Variants in WWTR1 observed in about 807,000 individuals in gnomAD.
WWTR1 encodes WW domain containing transcription regulator 1.
Under a neutral mutation model 40.1 loss-of-function variants are expected in WWTR1, and 13 were observed. The observed-to-expected ratio is 0.32, with a 90% CI of 0.21 to 0.52. The LOEUF (loss-of-function observed/expected upper bound fraction) is 0.52, where lower values mean the gene tolerates loss of function less well. WWTR1 is among the 20% of genes least tolerant of loss of function. WWTR1 has a pLI of 0.97. For missense variants in WWTR1, 436 were observed against 523.1 expected, an observed-to-expected ratio of 0.83 and a Z score of 1.63; for synonymous variants, 230 against 210.1, an observed-to-expected ratio of 1.09 and a Z score of -0.82.
intron 2 of WWTR1, among the ~76,000 whole-genome samples, chr3:149,603,756 G>A (rs977110886): frequency 4.0e-5 from 6 of 148,628 alleles, no homozygotes; most frequent in African/African-American, 1.2e-4. Flanking sequence ...CCTTAGTAAC[G>A]CAGAAAATCA....
At chr3:149,593,644 C>T (rs1207890997) in intron 2 of WWTR1, among the ~76,000 whole-genome samples, 3 of 152,156 alleles carry the variant, frequency 2.0e-5, no homozygotes, top group Admixed American at 1.3e-4. Flanking sequence ...AAACATTAAA[C>T]GACTTATACA....
At chr3:149,618,406 G>A (rs1358522768) in intron 2 of WWTR1, among the ~76,000 whole-genome samples, 19 of 152,152 alleles carry the variant, frequency 1.2e-4, no homozygotes, top group Admixed American at 1.2e-3. Flanking sequence ...GCTGGTCTTG[G>A]TGCCAGCGAT....
intron 2 of WWTR1, among the ~76,000 whole-genome samples, chr3:149,639,444 G>A (rs1712024915): frequency 1.3e-5 from 2 of 152,018 alleles, no homozygotes; most frequent in South Asian, 4.2e-4. Flanking sequence ...CTGGCCTCAA[G>A]CCATTCTCCT....
At chr3:149,561,235 T>G (rs1438856017) in intron 3 of WWTR1, among the ~76,000 whole-genome samples, 1 of 152,162 alleles carries the variant, frequency 6.6e-6, no homozygotes, top group Admixed American at 6.5e-5. Context: ...CATTATTGGT[T>G]AAATAAATTC....
At chr3:149,715,896 G>T (rs1417819057) in intron 5 of WWTR1, among the ~76,000 whole-genome samples, 2 of 152,118 alleles carry the variant, frequency 1.3e-5, no homozygotes, top group Non-Finnish European at 2.9e-5. Context: ...TATTTAACTG[G>T]ATAAAAAGTC....
intron 2 of WWTR1, among the ~76,000 whole-genome samples, chr3:149,603,186 C>T (rs1739325939): frequency 1.3e-5 from 2 of 152,024 alleles, no homozygotes; most frequent in African/African-American, 4.8e-5. Flanking sequence ...AAACTGCCCC[C>T]CTCACTACCA....
intron 4 of WWTR1, among the ~76,000 whole-genome samples, chr3:149,719,595 T>C (rs1296788522): frequency 6.6e-6 from 1 of 152,258 alleles, no homozygotes; most frequent in Non-Finnish European, 1.5e-5. Context: ...AACACGAGCA[T>C]ACAAATATCT....
At chr3:149,604,736 A>T (rs1739407475) in intron 2 of WWTR1, among the ~76,000 whole-genome samples, 1 of 152,322 alleles carries the variant, frequency 6.6e-6, no homozygotes. Flanking sequence ...CTTCCTGCTG[A>T]AGCGGTACTG....
chr3:149,655,374 G>A (rs9851857), intron 2 of WWTR1, among the ~76,000 whole-genome samples: 24,103 of 151,956 alleles, frequency 0.16, 2,036 homozygotes, highest in East Asian at 0.29. Context: ...GAACCCAGGG[G>A]GCGGAGGTTG....
intron 2 of WWTR1, among the ~76,000 whole-genome samples, chr3:149,636,889 A>C (rs1448911730): frequency 1.5e-5 from 2 of 135,316 alleles, no homozygotes; most frequent in African/African-American, 5.4e-5. Flanking sequence ...ACTTGAACCC[A>C]GGGGGCAGAG....
In WWTR1 at chr3:149,636,894, G is replaced by A. The variant is rs1206884410; in HGVS notation, c.431+19982C>T. ...AGGCAGAATCACTTGAACCCAGGGG[G>A]CAGAGGTTGCAGTGAGCTGGGATCA... is the stretch of plus-strand genomic sequence containing the variant. On this transcript the variant is annotated intron_variant, in intron 2 of 6. Coordinates refer to ENST00000360632, the MANE Select transcript of WWTR1 (RefSeq NM_015472.6). Among the ~76,000 whole-genome samples the A allele has an allele frequency of 2.1e-5, 3 of 145,154 alleles. No individual in the cohort carries two copies. In the Admixed American group the frequency reaches 2.1e-4, roughly 10 times the overall value.
upstream of WWTR1, among the ~76,000 whole-genome samples, chr3:149,661,579 G>A (rs1004748510): frequency 4.0e-5 from 6 of 151,114 alleles, no homozygotes; most frequent in African/African-American, 4.9e-5. Flanking sequence ...GCACCACCAC[G>A]CCTGGCTAAT....
rs1576539861 is a variant in WWTR1, at chr3:149,530,805, TA to T, written c.772-2837del. On this transcript the variant is annotated intron_variant, in intron 4 of 6. Coordinates refer to ENST00000360632, the MANE Select transcript of WWTR1 (RefSeq NM_015472.6). ...TGTTTCCCTAACTACCCTGAAGACT[TA>T]ATCACCAAGTCATCCTAAGGGCAAA... is the stretch of plus-strand genomic sequence containing the variant. Among the ~76,000 whole-genome samples, 6 of 152,314 alleles carry T rather than the reference TA, an allele frequency of 3.9e-5. No homozygotes were observed. In the East Asian group the frequency reaches 1.2e-3, roughly 29 times the overall value.
chr3:149,558,334 T>A (rs1736935191), intron 3 of WWTR1, among the ~76,000 whole-genome samples: 1 of 152,192 alleles, frequency 6.6e-6, no homozygotes, highest in Non-Finnish European at 1.5e-5. Context: ...ATATATTATG[T>A]GTCAAATAAA....
intron 2 of WWTR1, among the ~76,000 whole-genome samples, chr3:149,578,303 A>G (rs1471450191): frequency 6.6e-6 from 1 of 152,134 alleles, no homozygotes; most frequent in Non-Finnish European, 1.5e-5. Context: ...AGACAGGGGT[A>G]AAAAAGCTAA....
At chr3:149,585,121 C>CGCGTGTGTGT (rs1553795600) in intron 2 of WWTR1, among the ~76,000 whole-genome samples, 2 of 144,414 alleles carry the variant, frequency 1.4e-5, no homozygotes, top group African/African-American at 5.1e-5. Flanking sequence ...TGATTTCTTT[C>CGCGTGTGTGT]GTGTGTGTGT....
At chr3:149,689,244 G>A (rs1576641734) in intron 1 of WWTR1, among the ~76,000 whole-genome samples, 1 of 151,968 alleles carries the variant, frequency 6.6e-6, no homozygotes, top group African/African-American at 2.4e-5. Context: ...AGTGGGGCAT[G>A]GTGGTTTGCA....
intron 3 of WWTR1, among the ~76,000 whole-genome samples, chr3:149,568,593 AT>A (rs1213130992): frequency 1.4e-5 from 2 of 139,052 alleles, no homozygotes; most frequent in Non-Finnish European, 3.1e-5. Flanking sequence ...TTCAGAGCTT[AT>A]TTCATTTTAC....
intron 2 of WWTR1, among the ~76,000 whole-genome samples, chr3:149,593,687 A>G (rs1001608047): frequency 3.9e-5 from 6 of 152,234 alleles, no homozygotes; most frequent in Non-Finnish European, 8.8e-5. Context: ...AGTTCTATTG[A>G]TAACTTAACC....
Sources: allele counts gnomAD v4.1 joint callset (sites outside exome capture counted in the v4.1 genomes callset), GRCh38; gene constraint gnomAD v4.1.1; transcripts MANE v1.5; gene names NCBI Gene and HGNC (gene_info 2026-07-23, HGNC 2026-07-21).